ABHD2: variants seen among roughly 807,000 people sequenced by gnomAD.
ABHD2 encodes the protein monoacylglycerol lipase ABHD2.
ABHD2 carries 20 observed loss-of-function variants against 48.1 expected under a neutral mutation model. That is an observed-to-expected ratio of 0.42 (90% CI 0.29 to 0.60). The LOEUF (loss-of-function observed/expected upper bound fraction) is 0.60, where lower values mean the gene tolerates loss of function less well. Among genes scored for constraint, ABHD2 ranks in the 20% least tolerant of loss-of-function variants. The pLI is 0.24. For synonymous variants in ABHD2, 209 were observed against 214.2 expected, an observed-to-expected ratio of 0.98 and a Z score of 0.21; for missense variants, 405 against 550.9, an observed-to-expected ratio of 0.74 and a Z score of 2.65.
the ABHD2 span, among the ~76,000 whole-genome samples, chr15:89,057,317 G>A: frequency 2.6e-5 from 4 of 152,144 alleles, no homozygotes; most frequent in Non-Finnish European, 4.4e-5. Flanking sequence ...CCCCGGGTTA[G>A]CTCTTCTAAG....
intron 1 of ABHD2, among the ~76,000 whole-genome samples, chr15:89,095,063 C>CAAA (rs72090062): frequency 5.6e-4 from 30 of 53,550 alleles, no homozygotes; most frequent in African/African-American, 1.5e-3. Flanking sequence ...GACTGTGTCT[C>CAAA]AAAAAAAAAA....
intron 3 of ABHD2, among the ~76,000 whole-genome samples, chr15:89,127,836 C>T (rs76586519): frequency 0.016 from 2,432 of 151,746 alleles, 63 homozygotes; most frequent in African/African-American, 0.054. Flanking sequence ...TTCTATATCA[C>T]ACACAATACT....
rs199736172 is a variant in ABHD2 at position 89,185,553 on chromosome 15, G to A, written c.815+37G>A. On this transcript the variant is annotated intron_variant, in intron 7 of 10. Transcript: ENST00000352732. The surrounding 1 kb of genome is among the most constrained non-coding windows in gnomAD (Gnocchi z 5.9). ...TCCGTTCTCTCTCAGGAGACAGACA[G>A]TTCCTTCCTGAGCTCATCTGGGAAC... is the stretch of plus-strand genomic sequence containing the variant. 1.3e-6 allele frequency: 2 copies of A among 1,571,566 alleles called. No homozygotes were observed. The highest frequency in any genetic ancestry group is 1.3e-5 in the African/African-American group (1 of 74,146).
In ABHD2 at chr15:89,182,229, A is replaced by G. The variant is rs2051125941; in HGVS notation, c.723-3195A>G. ...CTTGAGAGTTTTGCAACTTTCAGAA[A>G]GCATCTTTCCTTTTGGAGTCATCCT... On this transcript the variant is annotated intron_variant, in intron 6 of 10. Coordinates refer to ENST00000352732, the MANE Select transcript of ABHD2 (RefSeq NM_152924.5). This position sits in a 1 kb window ranked among gnomAD's most constrained non-coding sequence, Gnocchi z 4.8. Among the ~76,000 whole-genome samples, 1 of 152,194 alleles carries G rather than the reference A, an allele frequency of 6.6e-6. No individual in the cohort carries two copies. Among genetic ancestry groups the G allele is most frequent in the Non-Finnish European group, 1.5e-5 (1 of 68,036 alleles).
chr15:89,053,641 T>C, the ABHD2 span, among the ~76,000 whole-genome samples: 1 of 152,152 alleles, frequency 6.6e-6, no homozygotes, highest in Non-Finnish European at 1.5e-5. Flanking sequence ...GGAAGAATCA[T>C]GCATGAGGAC....
chr15:89,048,912 G>A, the ABHD2 span, among the ~76,000 whole-genome samples: 1 of 96,950 alleles, frequency 1.0e-5, no homozygotes, highest in Non-Finnish European at 2.2e-5. Context: ...AAAGTCATTT[G>A]TTCCGTTGCT....
chr15:89,115,090 A>T (rs1435429423), intron 2 of ABHD2, among the ~76,000 whole-genome samples: 1 of 152,114 alleles, frequency 6.6e-6, no homozygotes, highest in Non-Finnish European at 1.5e-5. Flanking sequence ...CAGTTGGTGG[A>T]GATTGTTTTG....
chr15:89,053,778 C>T, the ABHD2 span, among the ~76,000 whole-genome samples: 1 of 152,220 alleles, frequency 6.6e-6, no homozygotes, highest in South Asian at 2.1e-4. Context: ...CCCCTTGGAG[C>T]AAGAGCAGTC....
At chr15:89,124,637 A>G (rs753635737) in intron 3 of ABHD2, among the ~76,000 whole-genome samples, 1 of 152,118 alleles carries the variant, frequency 6.6e-6, no homozygotes, top group Non-Finnish European at 1.5e-5. Flanking sequence ...CCTTAATTCC[A>G]TCGACCTGAT....
chr15:89,129,623 G>C (rs777249794), intron 3 of ABHD2, among the ~76,000 whole-genome samples: 2 of 152,044 alleles, frequency 1.3e-5, no homozygotes, highest in African/African-American at 4.8e-5. Flanking sequence ...TGAAGTTAGC[G>C]AGCTGTTGCC....
intron 3 of ABHD2, among the ~76,000 whole-genome samples, chr15:89,139,310 C>A (rs1596106145): frequency 6.6e-6 from 1 of 152,252 alleles, no homozygotes; most frequent in East Asian, 1.9e-4. Context: ...GATCTTGGTA[C>A]TCCCCATGAT....
chr15:89,158,086 G>T (rs1206565164), intron 5 of ABHD2, among the ~76,000 whole-genome samples: 1 of 152,136 alleles, frequency 6.6e-6, no homozygotes, highest in Non-Finnish European at 1.5e-5. Flanking sequence ...AGATTTGGGA[G>T]CACTAACAGT....
At chr15:89,046,246 T>C in the ABHD2 span, among the ~76,000 whole-genome samples, 2 of 152,168 alleles carry the variant, frequency 1.3e-5, no homozygotes, top group African/African-American at 2.4e-5. Flanking sequence ...AGGGATGAAG[T>C]CCACTTGATC....
At chr15:89,149,088 A>T (rs2050546576) in intron 3 of ABHD2, among the ~76,000 whole-genome samples, 1 of 152,162 alleles carries the variant, frequency 6.6e-6, no homozygotes, top group Admixed American at 6.5e-5. Context: ...TTATGAAGTT[A>T]ATTAAAAACA....
At chr15:89,159,096 G>A (rs191524222) in intron 5 of ABHD2, among the ~76,000 whole-genome samples, 4 of 152,126 alleles carry the variant, frequency 2.6e-5, no homozygotes, top group Admixed American at 2.0e-4. Flanking sequence ...ACAATACAAC[G>A]CCGGGCACGG....
At chr15:89,150,928 T>C (rs2050580165) in intron 3 of ABHD2, among the ~76,000 whole-genome samples, 1 of 152,270 alleles carries the variant, frequency 6.6e-6, no homozygotes, top group African/African-American at 2.4e-5. Context: ...AGTTGTAACT[T>C]GGATCATCTT....
chr15:89,182,423 C>T lies in ABHD2; in HGVS notation c.723-3001C>T, dbSNP rs2051129033. Among the ~76,000 whole-genome samples, 1 of 152,166 alleles carries T rather than the reference C, an allele frequency of 6.6e-6. No homozygotes were observed. Among genetic ancestry groups the T allele is most frequent in the Admixed American group, 6.5e-5 (1 of 15,270 alleles). ...CCTGGTGGACCAATATCTGGCCCAG[C>T]CTGGGGAGCAGTTCCTGCCACCCCT... is the stretch of plus-strand genomic sequence containing the variant. On this transcript the variant is annotated intron_variant, in intron 6 of 10. Transcript: ENST00000352732. The surrounding 1 kb of genome is among the most constrained non-coding windows in gnomAD (Gnocchi z 4.8).
intron 4 of ABHD2, among the ~76,000 whole-genome samples, chr15:89,154,893 G>A (rs903473080): frequency 2.0e-5 from 3 of 152,106 alleles, no homozygotes; most frequent in East Asian, 3.8e-4. Context: ...TACATCTGTC[G>A]GATAAATAAC....
Position 89,201,115 on chromosome 15 carries a change from TG to T in ABHD2, c.*5693del. The T allele has an allele frequency of 9.3e-7, 1 of 1,074,790 alleles. No individual in the cohort carries two copies. Among genetic ancestry groups the T allele is most frequent in the Non-Finnish European group, 1.4e-6 (1 of 691,254 alleles). The allele number at this position is 1,074,790 out of a possible 1,614,324, so 66.6% of individuals were successfully genotyped here. Reference sequence around the variant, plus strand: ...AGAAAAGGAATCCAGTGAAAATGGCTGCAATTACAACAAGAAGTGAAGGAAG... The same window carrying T: ...AGAAAAGGAATCCAGTGAAAATGGCTCAATTACAACAAGAAGTGAAGGAAG... On this transcript the variant is annotated 3_prime_UTR_variant, in exon 11 of 11. Coordinates refer to ENST00000352732, the MANE Select transcript of ABHD2 (RefSeq NM_152924.5).
Sources: gnomAD v4.1 joint callset for allele counts (sites outside exome capture counted in the v4.1 genomes callset) on GRCh38, gnomAD v4.1.1 for gene constraint, Gnocchi (gnomAD v3.1) non-coding constraint, MANE v1.5 for transcripts, NCBI Gene and HGNC (gene_info 2026-07-23, HGNC 2026-07-21) for gene names.